The following SLIT3 variants were observed in gnomAD, a reference collection of about 807,000 sequenced individuals.
SLIT3 encodes slit homolog 3 protein.
SLIT3 carries 68 observed loss-of-function variants against 184.0 expected under a neutral mutation model. That is an observed-to-expected ratio of 0.37 (90% CI 0.30 to 0.45). The LOEUF is 0.45. Ranked by LOEUF, SLIT3 falls within the 20% of genes least tolerant of loss-of-function variation. SLIT3 has a pLI of 1.00. For synonymous variants in SLIT3, 831 were observed against 828.6 expected (o/e 1.00, Z -0.05); for missense variants, 1,707 against 2,026.0 (o/e 0.84, Z 3.02).
At position 168,666,255 on chromosome 5, in the gene SLIT3, A is replaced by G; in HGVS notation, c.*199T>C. ...AGATGGTGTAATATATTTATATAAT[A>G]AAAGATGAAAATAGTCACTTTCCAT... On this transcript the variant is annotated 3_prime_UTR_variant, in exon 36 of 36. Transcript: ENST00000519560. The G allele has an allele frequency of 2.1e-6, 1 of 483,002 alleles. No individual in the cohort carries two copies. The highest frequency in any genetic ancestry group is 3.5e-6 in the Non-Finnish European group (1 of 282,014). 29.9% of individuals were successfully genotyped at this position (483,002 alleles called of 1,614,324 possible).
At chr5:168,744,729 C>T (rs1763748324) in intron 20 of SLIT3, among the ~76,000 whole-genome samples, 1 of 152,096 alleles carries the variant, frequency 6.6e-6, no homozygotes, top group Non-Finnish European at 1.5e-5. Flanking sequence ...TATTTTAAGC[C>T]CATCGTTGAG....
At chr5:168,723,935 G>C (rs1763027092) in intron 21 of SLIT3, among the ~76,000 whole-genome samples, 1 of 152,064 alleles carries the variant, frequency 6.6e-6, no homozygotes. Context: ...TCTTAACTGG[G>C]GGCACTTGTG....
At chr5:168,710,127 T>G (rs937017497) in intron 25 of SLIT3, 1 of 152,160 alleles carries the variant, frequency 6.6e-6, no homozygotes, top group Admixed American at 6.5e-5. Flanking sequence ...CAGAAATGGA[T>G]TAAGTGGCAG....
At chr5:168,819,903 C>A (rs1757467125) in intron 7 of SLIT3, among the ~76,000 whole-genome samples, 2 of 152,076 alleles carry the variant, frequency 1.3e-5, no homozygotes, top group South Asian at 4.2e-4. Context: ...TGATTTGGAG[C>A]CATCAGAGGG....
chr5:168,717,862 A>G (rs528028262), intron 23 of SLIT3, among the ~76,000 whole-genome samples: 1 of 152,116 alleles, frequency 6.6e-6, no homozygotes, highest in South Asian at 2.1e-4. Flanking sequence ...AGGTTTCACC[A>G]TATTAGCCAG....
Position 168,755,702 on chromosome 5 carries a change from C to A in SLIT3, c.1686-1695G>T, listed in dbSNP as rs1405884451. 2.6e-5 allele frequency among the ~76,000 whole-genome samples: 4 copies of A among 152,264 alleles called. No homozygotes were observed. The East Asian group carries it at 7.7e-4, about 29-fold the overall frequency. On this transcript the variant is annotated intron_variant, in intron 16 of 35. Coordinates refer to ENST00000519560, the MANE Select transcript of SLIT3 (RefSeq NM_003062.4). Reference sequence around the variant, plus strand: ...TCACCCACCTTGGCCTCCCAAAGTGCCGGGATTACAGGCATGAGCCGCCAT... The same window carrying A: ...TCACCCACCTTGGCCTCCCAAAGTGACGGGATTACAGGCATGAGCCGCCAT...
rs1347596725 is a variant in SLIT3, at chr5:168,666,073, T to TCAGA, written c.*377_*380dup. ...AACATGAAAACATCTTCCTCCTTCC[T>TCAGA]CAGACAGGCTATCATTCTTTATTCT... On this transcript the variant is annotated 3_prime_UTR_variant, in exon 36 of 36. Transcript: ENST00000519560. 1.3e-5 allele frequency: 2 copies of TCAGA among 158,012 alleles called. No homozygotes were observed. Among genetic ancestry groups the TCAGA allele is most frequent in the African/African-American group, 2.4e-5 (1 of 41,706 alleles). 9.8% of individuals were successfully genotyped at this position (158,012 alleles called of 1,614,324 possible).
At chr5:168,965,007 C>A (rs1763136844) in intron 4 of SLIT3, among the ~76,000 whole-genome samples, 1 of 152,174 alleles carries the variant, frequency 6.6e-6, no homozygotes, top group Non-Finnish European at 1.5e-5. Context: ...CAGGGCACAT[C>A]TCTAAGGAAG....
In SLIT3 at chr5:168,696,363, T is replaced by C. The variant is rs780716484; in HGVS notation, c.3011A>G (p.Asp1004Gly). Reference protein sequence around the residue: ...EINPDDCEDNDCENNATCVDG... With the variant: ...EINPDDCEDNGCENNATCVDG... ...CACGCAGGTGGCATTGTTTTCGCAG[T>C]CGTTGTCCTCACAGTCATCTGGGTT... The change falls in exon 28 of 36, where the codon GAC (aspartate) becomes GGC (glycine). Residue 1004 changes from aspartate to glycine, a missense_variant. Asp to Gly is a moderately conservative substitution (Grantham distance 94, BLOSUM62 -1). Around this residue, in one of 3 missense-constraint regions of SLIT3, gnomAD observed 1,307 missense variants for 1,511.6 expected, o/e 0.86. Coordinates refer to ENST00000519560, the MANE Select transcript of SLIT3 (RefSeq NM_003062.4). The C allele has an allele frequency of 3.7e-6, 6 of 1,614,050 alleles. No homozygotes were observed. The Admixed American group carries it at 1.0e-4, about 27-fold the overall frequency.
intron 4 of SLIT3, among the ~76,000 whole-genome samples, chr5:169,077,262 G>A (rs1022762994): frequency 6.6e-6 from 1 of 152,136 alleles, no homozygotes; most frequent in Non-Finnish European, 1.5e-5. Context: ...TGTAGGCCGG[G>A]CGCGGTGGCT....
chr5:168,908,030 C>CT lies in SLIT3; in HGVS notation c.414-24695dup, dbSNP rs752855230. 4.0e-4 allele frequency among the ~76,000 whole-genome samples: 50 copies of CT among 124,248 alleles called. 1 individual carries two copies. The highest frequency in any genetic ancestry group is 7.5e-4 in the Non-Finnish European group (45 of 60,296). The allele number at this position is 124,248 out of a possible 152,430, so 81.5% of individuals were successfully genotyped here. On this transcript the variant is annotated intron_variant, in intron 4 of 35. Transcript: ENST00000519560. Reference sequence around the variant, plus strand: ...GAGGTGGGGGGTTTCATTTCATATTCTTTTTTCACCAAACATCACAAACTG... The same window carrying CT: ...GAGGTGGGGGGTTTCATTTCATATTCTTTTTTTCACCAAACATCACAAACTG...
chr5:168,920,157 G>T (rs192529789), intron 4 of SLIT3, among the ~76,000 whole-genome samples: 40 of 152,200 alleles, frequency 2.6e-4, no homozygotes, highest in African/African-American at 7.9e-4. Flanking sequence ...TTGGGTATCT[G>T]GTCCTCACTT....
chr5:169,182,955 A>G (rs951136239), intron 4 of SLIT3, among the ~76,000 whole-genome samples: 3 of 152,228 alleles, frequency 2.0e-5, no homozygotes, highest in East Asian at 1.9e-4. Context: ...TGCTGAGAGC[A>G]GCACTGATTT....
intron 32 of SLIT3, among the ~76,000 whole-genome samples, chr5:168,679,715 T>C (rs1761524182): frequency 6.6e-6 from 1 of 152,122 alleles, no homozygotes; most frequent in South Asian, 2.1e-4. Context: ...CAGGCCCCAC[T>C]GCAGCAACCC....
At chr5:168,829,676 GA>G (rs1286470243) in intron 6 of SLIT3, among the ~76,000 whole-genome samples, 5 of 145,954 alleles carry the variant, frequency 3.4e-5, no homozygotes, top group Non-Finnish European at 7.7e-5. Flanking sequence ...AGCAAGCCTA[GA>G]AGAAAGTGCA....
At chr5:169,114,763 T>C (rs1362390360) in intron 4 of SLIT3, among the ~76,000 whole-genome samples, 1 of 152,194 alleles carries the variant, frequency 6.6e-6, no homozygotes, top group Non-Finnish European at 1.5e-5. Context: ...TCTCACCACC[T>C]GGGAAGGAGT....
intron 4 of SLIT3, among the ~76,000 whole-genome samples, chr5:168,997,762 C>T (rs751915467): frequency 5.3e-5 from 8 of 152,244 alleles, no homozygotes; most frequent in African/African-American, 1.7e-4. Context: ...GCAACTGGCA[C>T]GGCATTTCCA....
chr5:168,889,959 A>G (rs1402953398), intron 4 of SLIT3, among the ~76,000 whole-genome samples: 1 of 152,076 alleles, frequency 6.6e-6, no homozygotes, highest in Non-Finnish European at 1.5e-5. Context: ...CCTCGCCAAC[A>G]TGGTGAAACA....
chr5:168,794,983 G>A (rs1448713434), intron 10 of SLIT3, among the ~76,000 whole-genome samples: 7 of 152,042 alleles, frequency 4.6e-5, no homozygotes, highest in Non-Finnish European at 8.8e-5. Context: ...TATTTTCTGC[G>A]TTCTCCCACT....
Sources: allele counts gnomAD v4.1 joint callset (sites outside exome capture counted in the v4.1 genomes callset), GRCh38; gene constraint gnomAD v4.1.1; regional missense constraint gnomAD v4.1.1; transcripts MANE v1.5; gene names NCBI Gene and HGNC (gene_info 2026-07-23, HGNC 2026-07-21).